Variants in ARHGAP22 observed in about 807,000 individuals in gnomAD.
ARHGAP22 encodes the protein rho GTPase-activating protein 22.
In ARHGAP22, 48 loss-of-function variants were observed where a neutral mutation model predicts 59.1. The ratio of observed to expected loss-of-function variants is 0.81; its 90% CI spans 0.64 to 1.03. The LOEUF (loss-of-function observed/expected upper bound fraction) is 1.03. ARHGAP22 is among the 50% of genes least tolerant of loss of function. The pLI, the probability that ARHGAP22 is intolerant of heterozygous loss-of-function variation, is 0.00. For missense variants in ARHGAP22, 1,015 were observed against 958.7 expected, an observed-to-expected ratio of 1.06 and a Z score of -0.78; for synonymous variants, 445 against 416.4, an observed-to-expected ratio of 1.07 and a Z score of -0.84.
intron 1 of ARHGAP22, among the ~76,000 whole-genome samples, chr10:48,596,205 C>T (rs928184497): frequency 2.0e-5 from 3 of 152,236 alleles, no homozygotes; most frequent in Admixed American, 2.0e-4. Context: ...TACTTCCATG[C>T]AGGATGCAGC....
intron 1 of ARHGAP22, among the ~76,000 whole-genome samples, chr10:48,626,043 T>C (rs1367086350): frequency 6.6e-6 from 1 of 152,188 alleles, no homozygotes; most frequent in African/African-American, 2.4e-5. Flanking sequence ...CCTTCTTTGG[T>C]AGACTGACTG....
At chr10:48,640,528 C>T (rs1365907496) in intron 1 of ARHGAP22, among the ~76,000 whole-genome samples, 2 of 152,044 alleles carry the variant, frequency 1.3e-5, no homozygotes. Context: ...TTAACAGTTG[C>T]CTTGTCATCT....
intron 4 of ARHGAP22, among the ~76,000 whole-genome samples, chr10:48,474,484 T>C (rs1305327594): frequency 2.0e-5 from 3 of 152,206 alleles, no homozygotes; most frequent in Non-Finnish European, 4.4e-5. Flanking sequence ...TGAATAGAAG[T>C]GGTGAAGGCA....
At chr10:48,507,921 G>A (rs2052322777) in intron 3 of ARHGAP22, among the ~76,000 whole-genome samples, 2 of 141,606 alleles carry the variant, frequency 1.4e-5, no homozygotes, top group Non-Finnish European at 3.1e-5. Flanking sequence ...TGGGGTGGGG[G>A]TGGGGGTGGG....
intron 4 of ARHGAP22, among the ~76,000 whole-genome samples, chr10:48,475,523 A>G (rs3954044): frequency 0.6 from 90,971 of 152,180 alleles, 31,970 homozygotes; most frequent in Non-Finnish European, 0.78. Context: ...TAGTCTTTCT[A>G]TCTCAGCTAA....
At chr10:48,617,253 A>C (rs767413400) in intron 1 of ARHGAP22, among the ~76,000 whole-genome samples, 1 of 152,034 alleles carries the variant, frequency 6.6e-6, no homozygotes, top group Non-Finnish European at 1.5e-5. Flanking sequence ...TACAATGATA[A>C]TTGTGAACTT....
chr10:48,464,900 A>G (rs950793647), intron 4 of ARHGAP22, among the ~76,000 whole-genome samples: 1 of 152,066 alleles, frequency 6.6e-6, no homozygotes, highest in African/African-American at 2.4e-5. Context: ...GGCCACTGGA[A>G]CCCTTGGAGG....
At chr10:48,563,917 C>G (rs886617743) in intron 2 of ARHGAP22, among the ~76,000 whole-genome samples, 10 of 151,622 alleles carry the variant, frequency 6.6e-5, no homozygotes, top group African/African-American at 2.4e-4. Flanking sequence ...AAAGACAACC[C>G]AATAGAAAAA....
chr10:48,542,657 T>A (rs533015345), intron 3 of ARHGAP22, among the ~76,000 whole-genome samples: 84 of 152,244 alleles, frequency 5.5e-4, no homozygotes, highest in Non-Finnish European at 9.6e-4. Flanking sequence ...AGGGCTGGGG[T>A]TGGGGTCAGG....
intron 8 of ARHGAP22, among the ~76,000 whole-genome samples, chr10:48,452,982 A>G (rs1361795963): frequency 6.6e-6 from 1 of 152,238 alleles, no homozygotes; most frequent in Non-Finnish European, 1.5e-5. Context: ...GTCTGTGTTC[A>G]AGGGCAAAAG....
intron 1 of ARHGAP22, among the ~76,000 whole-genome samples, chr10:48,639,216 G>T (rs770315013): frequency 5.9e-5 from 9 of 152,156 alleles, no homozygotes; most frequent in Non-Finnish European, 1.3e-4. Flanking sequence ...ATGATTGTCA[G>T]TACTACTGAC....
At chr10:48,453,133 G>C (rs952284715) in intron 8 of ARHGAP22, among the ~76,000 whole-genome samples, 171 bp downstream of exon 8, 1 of 152,142 alleles carries the variant, frequency 6.6e-6, no homozygotes, top group Non-Finnish European at 1.5e-5. Context: ...GGGGTCGGGG[G>C]TGAGGTCTGC....
the ARHGAP22 span, chr10:48,435,012 C>T: frequency 1.6e-6 from 2 of 1,287,938 alleles, no homozygotes; most frequent in Non-Finnish European, 1.0e-6. Context: ...AGCTGGGCCT[C>T]TGGGCTGCTG....
chr10:48,566,957 C>G (rs2058082367), intron 2 of ARHGAP22, among the ~76,000 whole-genome samples: 1 of 152,138 alleles, frequency 6.6e-6, no homozygotes, highest in Non-Finnish European at 1.5e-5. Context: ...GGCCTGAGAC[C>G]TGGGGTAGAC....
intron 9 of ARHGAP22, among the ~76,000 whole-genome samples, chr10:48,450,016 C>A (rs965613804): frequency 6.6e-6 from 1 of 152,268 alleles, no homozygotes; most frequent in African/African-American, 2.4e-5. Context: ...GGCAGGCATT[C>A]CCACTTGCGT....
chr10:48,620,666 G>A (rs1358565424), intron 1 of ARHGAP22, among the ~76,000 whole-genome samples: 3 of 152,194 alleles, frequency 2.0e-5, no homozygotes, highest in African/African-American at 7.2e-5. Flanking sequence ...CTGAAATCCA[G>A]CATGGGGAGA....
chr10:48,602,072 A>T (rs1011593922), intron 1 of ARHGAP22, among the ~76,000 whole-genome samples: 1 of 152,244 alleles, frequency 6.6e-6, no homozygotes, highest in African/African-American at 2.4e-5. Context: ...TAACAATGAT[A>T]TCACATTATA....
At chr10:48,524,533 C>T (rs1317380295) in intron 3 of ARHGAP22, among the ~76,000 whole-genome samples, 6 of 152,076 alleles carry the variant, frequency 3.9e-5, no homozygotes, top group African/African-American at 1.4e-4. Context: ...GGGGGCCACA[C>T]CGGCCTGGCC....
chr10:48,654,778 CT>C (rs1462361196), upstream of ARHGAP22, among the ~76,000 whole-genome samples: 1 of 45,434 alleles, frequency 2.2e-5, no homozygotes, highest in Non-Finnish European at 5.0e-5. Context: ...TGATTACTTT[CT>C]TTCTTTCTTT....
Sources: gnomAD v4.1 joint callset for allele counts (sites outside exome capture counted in the v4.1 genomes callset) on GRCh38, gnomAD v4.1.1 for gene constraint, MANE v1.5 for transcripts, NCBI Gene and HGNC (gene_info 2026-07-23, HGNC 2026-07-21) for gene names.